ADAMTSL1: variants seen among roughly 807,000 people sequenced by gnomAD.
The protein encoded by ADAMTSL1 is ADAMTS-like protein 1.
In ADAMTSL1, 126 loss-of-function variants were observed where a neutral mutation model predicts 201.8. That is an observed-to-expected ratio of 0.62 (90% confidence interval 0.54 to 0.72). The LOEUF (loss-of-function observed/expected upper bound fraction) is 0.72, where lower values mean the gene tolerates loss of function less well. Ranked by LOEUF, ADAMTSL1 falls within the 30% of genes least tolerant of loss-of-function variation. The pLI, the probability that ADAMTSL1 is intolerant of heterozygous loss-of-function variation, is 0.00. For synonymous variants in ADAMTSL1, 1,121 were observed against 903.4 expected, an observed-to-expected ratio of 1.24 and a Z score of -4.32; for missense variants, 2,679 against 2,277.8, an observed-to-expected ratio of 1.18 and a Z score of -3.59.
intron 2 of ADAMTSL1, among the ~76,000 whole-genome samples, chr9:18,459,811 A>G (rs887566320): frequency 6.6e-6 from 1 of 152,220 alleles, no homozygotes; most frequent in Non-Finnish European, 1.5e-5. Context: ...CAATTCGTAA[A>G]TATGGTTCTT....
intron 23 of ADAMTSL1, among the ~76,000 whole-genome samples, chr9:18,878,786 C>G (rs893549829): frequency 5.3e-5 from 8 of 152,190 alleles, no homozygotes; most frequent in Admixed American, 2.0e-4. Context: ...TGAGTGGAAG[C>G]TGCAAGTTAG....
chr9:18,054,787 A>G (rs573164934), intron 1 of ADAMTSL1, among the ~76,000 whole-genome samples: 30 of 152,352 alleles, frequency 2.0e-4, no homozygotes, highest in South Asian at 2.1e-4. Flanking sequence ...AGAGTTCCAT[A>G]TATTTCCAGA....
intron 2 of ADAMTSL1, among the ~76,000 whole-genome samples, chr9:18,233,440 A>G (rs984324591): frequency 6.6e-6 from 1 of 152,204 alleles, no homozygotes; most frequent in Non-Finnish European, 1.5e-5. Context: ...ATGAGTCTAC[A>G]TGCTTATGGT....
At chr9:17,994,121 T>TGTGTGTGTGTGTGTG (rs3085375) in intron 1 of ADAMTSL1, among the ~76,000 whole-genome samples, 1 of 151,856 alleles carries the variant, frequency 6.6e-6, no homozygotes, top group African/African-American at 2.4e-5. Context: ...TGTGTGTGTG[T>TGTGTGTGTGTGTGTG]TTCTATATAG....
chr9:18,079,726 T>TAAAA (rs1241533263), intron 1 of ADAMTSL1, among the ~76,000 whole-genome samples: 111 of 141,950 alleles, frequency 7.8e-4, no homozygotes, highest in South Asian at 2.9e-3. Context: ...AATAAATAAA[T>TAAAA]AAAATAAAAA....
At chr9:18,843,792 C>T (rs1367192772) in intron 23 of ADAMTSL1, among the ~76,000 whole-genome samples, 2 of 151,022 alleles carry the variant, frequency 1.3e-5, no homozygotes, top group East Asian at 3.8e-4. Flanking sequence ...ATTTGATCTT[C>T]AATCACTGAT....
At chr9:18,291,716 T>TCTCTCTC (rs1833271423) in intron 2 of ADAMTSL1, among the ~76,000 whole-genome samples, 1 of 114,686 alleles carries the variant, frequency 8.7e-6, no homozygotes, top group African/African-American at 3.3e-5. Context: ...CTCTCTCTCT[T>TCTCTCTC]TCTCTCTCTC....
intron 2 of ADAMTSL1, among the ~76,000 whole-genome samples, chr9:18,523,520 C>A (rs1376804359): frequency 6.6e-6 from 1 of 152,114 alleles, no homozygotes; most frequent in East Asian, 1.9e-4. Context: ...CTTGCCCATG[C>A]CTATGTCCTG....
chr9:18,284,029 G>A (rs1013685217), intron 2 of ADAMTSL1, among the ~76,000 whole-genome samples: 3 of 151,112 alleles, frequency 2.0e-5, no homozygotes, highest in Non-Finnish European at 2.9e-5. Context: ...TCAGCAGTTC[G>A]AGACCAGCCT....
chr9:18,862,348 T>C (rs1588259877), intron 23 of ADAMTSL1, among the ~76,000 whole-genome samples: 1 of 152,268 alleles, frequency 6.6e-6, no homozygotes, highest in Non-Finnish European at 1.5e-5. Context: ...CTGGCTTTTG[T>C]TTTTCCTCCA....
chr9:18,648,507 A>ATTTTGCAGCGGCTGG (rs1224790117), intron 7 of ADAMTSL1, among the ~76,000 whole-genome samples: 1 of 151,722 alleles, frequency 6.6e-6, no homozygotes, highest in Non-Finnish European at 1.5e-5. Context: ...TTTTGGCATG[A>ATTTTGCAGCGGCTGG]TTTTGCAGCG....
chr9:18,560,579 G>A (rs1476032519), intron 3 of ADAMTSL1, among the ~76,000 whole-genome samples: 1 of 152,044 alleles, frequency 6.6e-6, no homozygotes, highest in East Asian at 1.9e-4. Flanking sequence ...AGTTTCAGAA[G>A]GAATGGTACC....
intron 2 of ADAMTSL1, among the ~76,000 whole-genome samples, chr9:18,218,928 A>C (rs555516712): frequency 3.8e-4 from 58 of 152,196 alleles, no homozygotes; most frequent in African/African-American, 1.2e-3. Flanking sequence ...TTATTTAATA[A>C]ATGATTTAAT....
At chr9:18,044,864 C>G (rs16936268) in intron 1 of ADAMTSL1, among the ~76,000 whole-genome samples, 4,198 of 152,258 alleles carry the variant, frequency 0.028, 87 homozygotes, top group African/African-American at 0.064. Flanking sequence ...AAGTATGGCT[C>G]TCTGGCTCTC....
rs920671338 is a variant in ADAMTSL1, at chr9:18,590,403, AT to A, written c.474+16144del. On this transcript the variant is annotated intron_variant, in intron 4 of 28. Transcript: ENST00000380548. ...GATTTTAATTATTTGAGTCTTCTCT[AT>A]TTTTTTCTTTGTTAGCCTAACTAAT... Among the ~76,000 whole-genome samples, 97 of 151,344 alleles carry A rather than the reference AT, an allele frequency of 6.4e-4. 2 individuals carry two copies. The highest frequency in any genetic ancestry group is 1.9e-3 in the African/African-American group (80 of 41,314).
chr9:18,049,592 G>A (rs894175136), intron 1 of ADAMTSL1, among the ~76,000 whole-genome samples: 5 of 151,518 alleles, frequency 3.3e-5, no homozygotes, highest in Non-Finnish European at 5.9e-5. Context: ...AACTAACTCT[G>A]AGGCTTCCTG....
intron 20 of ADAMTSL1, among the ~76,000 whole-genome samples, chr9:18,805,837 T>C (rs1823080530): frequency 6.6e-6 from 1 of 152,214 alleles, no homozygotes; most frequent in Non-Finnish European, 1.5e-5. Flanking sequence ...TTGCTGTTCG[T>C]GGGCCCTTTC....
chr9:18,301,584 A>T (rs1238910899), intron 2 of ADAMTSL1, among the ~76,000 whole-genome samples: 1 of 152,238 alleles, frequency 6.6e-6, no homozygotes, highest in Non-Finnish European at 1.5e-5. Flanking sequence ...ACACTATAAT[A>T]AAAGTCATGT....
At chr9:18,269,636 C>A (rs1007355137) in intron 2 of ADAMTSL1, among the ~76,000 whole-genome samples, 1 of 152,124 alleles carries the variant, frequency 6.6e-6, no homozygotes, top group African/African-American at 2.4e-5. Flanking sequence ...GCAAAAATGT[C>A]TCCTTTCATT....
Sources: allele counts gnomAD v4.1 joint callset (sites outside exome capture counted in the v4.1 genomes callset), GRCh38; gene constraint gnomAD v4.1.1; transcripts MANE v1.5; gene names NCBI Gene and HGNC (gene_info 2026-07-23, HGNC 2026-07-21).